Variants in OOEP observed in about 807,000 individuals in gnomAD.
OOEP encodes the protein oocyte-expressed protein homolog.
OOEP carries 16 observed loss-of-function variants against 13.7 expected under a neutral mutation model. That is an observed-to-expected ratio of 1.16 (90% CI 0.79 to 1.77). The LOEUF (loss-of-function observed/expected upper bound fraction) is 1.77. Ranked by LOEUF, OOEP falls within the 40% of genes most tolerant of loss-of-function variation. OOEP has a pLI of 0.00. For missense variants in OOEP, 195 were observed against 193.1 expected (o/e 1.01, Z -0.06); for synonymous variants, 89 against 77.1 (o/e 1.15, Z -0.81).
At position 73,369,822 on chromosome 6, in the gene OOEP, G is replaced by A. The variant is rs750173001; in HGVS notation, c.-30C>T. 1.9e-6 allele frequency: 3 copies of A among 1,597,260 alleles called. No homozygotes were observed. The highest frequency in any genetic ancestry group is 2.6e-6 in the Non-Finnish European group (3 of 1,170,426). ...GGACCAGCAGCCGCGGAGCGCGCTC[G>A]AGGCGGCTTTCGCAAGACCTCTTCC... On this transcript the variant is annotated 5_prime_UTR_variant, in exon 1 of 3. Transcript: ENST00000370359.
upstream of OOEP, among the ~76,000 whole-genome samples, chr6:73,370,477 T>C (rs1769033234): frequency 6.6e-6 from 1 of 152,250 alleles, no homozygotes; most frequent in Admixed American, 6.5e-5. Context: ...ATTAAAAATT[T>C]GGATTATGAA....
intron 2 of OOEP, among the ~76,000 whole-genome samples, chr6:73,380,820 A>C (rs1769195617): frequency 6.6e-6 from 1 of 152,150 alleles, no homozygotes; most frequent in African/African-American, 2.4e-5. Context: ...AGGCTAGAGA[A>C]GATGAAGTAA....
exon 1 of OOEP, chr6:73,395,004 G>C: frequency 1.2e-6 from 2 of 1,614,274 alleles, no homozygotes; most frequent in Non-Finnish European, 1.7e-6. Flanking sequence ...GGCCGGCGGA[G>C]GAGTTGAATC....
At chr6:73,382,463 G>A (rs531882536) in intron 2 of OOEP, among the ~76,000 whole-genome samples, 1 of 151,778 alleles carries the variant, frequency 6.6e-6, no homozygotes, top group South Asian at 2.1e-4. Flanking sequence ...TGATCCACCT[G>A]CCTCAGCCTC....
At chr6:73,381,935 T>C (rs897576161) in intron 2 of OOEP, among the ~76,000 whole-genome samples, 1 of 152,090 alleles carries the variant, frequency 6.6e-6, no homozygotes, top group Non-Finnish European at 1.5e-5. Context: ...GAACTGAGAC[T>C]GTGCCACTGT....
At chr6:73,370,001 G>T, upstream of OOEP, 1 of 574,750 alleles carries the variant, frequency 1.7e-6, no homozygotes, top group Non-Finnish European at 3.1e-6. Context: ...TCAATCGCCG[G>T]GATTGCCTCT....
rs748192520 is a variant in OOEP at position 73,368,738 on chromosome 6, G to A, written c.*46C>T. 4.5e-5 allele frequency: 60 copies of A among 1,330,160 alleles called. No individual in the cohort carries two copies. Among genetic ancestry groups the A allele is most frequent in the Admixed American group, 1.7e-4 (10 of 59,088 alleles). The allele number at this position is 1,330,160 out of a possible 1,614,324, so 82.4% of individuals were successfully genotyped here. ...TACTTGCTTTTCTTCAACTTTAGCA[G>A]CAAAAGTTAGAAAGTTAAGATGTTC... is the stretch of plus-strand genomic sequence containing the variant. On this transcript the variant is annotated 3_prime_UTR_variant, in exon 3 of 3. Transcript: ENST00000370359.
chr6:73,394,006 A>G (rs947858700), intron 2 of OOEP, among the ~76,000 whole-genome samples: 5 of 152,170 alleles, frequency 3.3e-5, no homozygotes, highest in African/African-American at 1.2e-4. Flanking sequence ...TATGACTTAC[A>G]AAAGGATCAA....
At chr6:73,389,096 G>C (rs563806867) in intron 2 of OOEP, among the ~76,000 whole-genome samples, 2 of 152,228 alleles carry the variant, frequency 1.3e-5, no homozygotes, top group Non-Finnish European at 2.9e-5. Flanking sequence ...CGTCGAGACG[G>C]CAGGCCACTT....
upstream of OOEP, among the ~76,000 whole-genome samples, chr6:73,371,352 C>T (rs1401928795): frequency 6.6e-6 from 1 of 152,148 alleles, no homozygotes; most frequent in Non-Finnish European, 1.5e-5. Flanking sequence ...CCTATAATCC[C>T]AGCACTTCGG....
intron 2 of OOEP, among the ~76,000 whole-genome samples, chr6:73,386,198 G>A (rs900601634): frequency 2.6e-5 from 4 of 151,226 alleles, no homozygotes; most frequent in Non-Finnish European, 5.9e-5. Context: ...GGGTTCAAGC[G>A]ATTCTCCTGC....
chr6:73,380,520 C>A (rs929938367), intron 2 of OOEP, among the ~76,000 whole-genome samples: 3 of 151,962 alleles, frequency 2.0e-5, no homozygotes, highest in African/African-American at 7.3e-5. Context: ...TGTTATATAC[C>A]ATTGAAAATT....
chr6:73,381,853 T>G (rs924714997), intron 2 of OOEP, among the ~76,000 whole-genome samples: 17 of 151,988 alleles, frequency 1.1e-4, no homozygotes, highest in African/African-American at 4.1e-4. Context: ...GGTGGCACCG[T>G]GCCTGTAAAC....
At chr6:73,395,077 C>G (rs1460256415) in exon 1 of OOEP, 2 of 1,614,142 alleles carry the variant, frequency 1.2e-6, no homozygotes, top group Non-Finnish European at 1.7e-6. Context: ...CTCTAGGCCC[C>G]CGGAGGCCGT....
At chr6:73,369,974 A>G (rs1769024629), upstream of OOEP, 2 of 600,308 alleles carry the variant, frequency 3.3e-6, no homozygotes, top group South Asian at 2.0e-5. Flanking sequence ...GCACCATTGG[A>G]CACTTCCTGC....
intron 2 of OOEP, among the ~76,000 whole-genome samples, chr6:73,379,452 T>G (rs1769172917): frequency 6.6e-6 from 1 of 151,380 alleles, no homozygotes; most frequent in Non-Finnish European, 1.5e-5. Context: ...GAGACCAACC[T>G]GGCCAACATG....
chr6:73,386,736 C>T (rs1413424675), intron 2 of OOEP, among the ~76,000 whole-genome samples: 2 of 151,566 alleles, frequency 1.3e-5, no homozygotes, highest in Non-Finnish European at 2.9e-5. Context: ...GAGGCCAAGG[C>T]GGGTGGATCA....
chr6:73,370,103 G>A (rs1769026952), upstream of OOEP: 1 of 380,252 alleles, frequency 2.6e-6, no homozygotes, highest in South Asian at 3.4e-5. Flanking sequence ...TAGCCTGAAA[G>A]TCCTCTGCCC....
upstream of OOEP, among the ~76,000 whole-genome samples, chr6:73,370,575 C>T (rs1769034018): frequency 6.6e-6 from 1 of 152,196 alleles, no homozygotes. Flanking sequence ...ACATTTGCCT[C>T]ACTCCTCTGT....
Sources: allele counts gnomAD v4.1 joint callset (sites outside exome capture counted in the v4.1 genomes callset), GRCh38; gene constraint gnomAD v4.1.1; transcripts MANE v1.5; gene names NCBI Gene and HGNC (gene_info 2026-07-23, HGNC 2026-07-21).